Variants in ABCA8 observed in about 807,000 individuals in gnomAD.
ABCA8 encodes ABC-type organic anion transporter ABCA8.
ABCA8 carries 177 observed loss-of-function variants against 192.3 expected under a neutral mutation model. The observed-to-expected ratio is 0.92, with a 90% CI of 0.81 to 1.04. ABCA8 has a LOEUF of 1.04. Ranked by LOEUF, ABCA8 falls within the 50% of genes least tolerant of loss-of-function variation. The probability of loss-of-function intolerance (pLI) is 0.00; values close to 1 mark genes in which losing one functional copy is unlikely to be tolerated. For missense variants in ABCA8, 1,915 were observed against 1,904.8 expected (o/e 1.01, Z -0.10); for synonymous variants, 642 against 690.2 (o/e 0.93, Z 1.09).
intron 19 of ABCA8, 138 bp downstream of exon 19, chr17:68,905,906 G>A (rs916439732): frequency 1.3e-6 from 1 of 753,072 alleles, no homozygotes; most frequent in East Asian, 2.9e-5. Context: ...AATGTTGACA[G>A]GGATGCGTTT....
At chr17:68,924,515 A>G (rs896123222) in intron 11 of ABCA8, among the ~76,000 whole-genome samples, 186 bp downstream of exon 11, 1 of 152,116 alleles carries the variant, frequency 6.6e-6, no homozygotes, top group Admixed American at 6.5e-5. Flanking sequence ...AATGTCGACA[A>G]TGTTAGGCTG....
chr17:68,944,891 C>T (rs1278501547), intron 2 of ABCA8: 7 of 152,442 alleles, frequency 4.6e-5, no homozygotes, highest in Non-Finnish European at 7.3e-5. Context: ...GGTCCAGAAC[C>T]TCTCAACAGA....
Position 68,891,477 on chromosome 17 carries a change from A to T in ABCA8, c.3144+12T>A. On this transcript the variant is annotated intron_variant, in intron 24 of 39. Transcript: ENST00000586539. Reference sequence around the variant, plus strand: ...ATGCAAAATAATGGAAGTTGCAATTACTCATTATTACCTTATAATCATCGA... The same window carrying T: ...ATGCAAAATAATGGAAGTTGCAATTTCTCATTATTACCTTATAATCATCGA... 1.9e-6 allele frequency: 3 copies of T among 1,564,514 alleles called. No individual in the cohort carries two copies. Among genetic ancestry groups the T allele is most frequent in the Non-Finnish European group, 2.6e-6 (3 of 1,144,216 alleles).
At position 68,918,156 on chromosome 17, in the gene ABCA8, T is replaced by C. The variant is rs140309334; in HGVS notation, c.1938A>G (p.Gly646=). Residue 646 remains glycine (G), a synonymous_variant, in exon 16 of 40, where the codon GGA becomes GGG. Transcript: ENST00000586539. ...CTTGGTGTCTTGAAAAGGGATCCAA[T>C]CCAGCAGTTGGTTCATCCAACAGGA... The part of the protein sequence containing the change: ...QIFLLDEPTA[G]LDPFSRHQVW... 8 of 1,614,006 alleles carry C rather than the reference T, an allele frequency of 5.0e-6. No individual in the cohort carries two copies. In the African/African-American group the frequency reaches 1.1e-4, roughly 22 times the overall value.
intron 17 of ABCA8, among the ~76,000 whole-genome samples, chr17:68,908,501 T>G (rs949901467): frequency 6.6e-6 from 1 of 152,198 alleles, no homozygotes; most frequent in Non-Finnish European, 1.5e-5. Flanking sequence ...AGAAAACATG[T>G]AGACAACCAG....
intron 14 of ABCA8, 95 bp from the exon 15 acceptor site, chr17:68,918,641 C>A: frequency 1.6e-6 from 2 of 1,278,190 alleles, no homozygotes; most frequent in Non-Finnish European, 2.1e-6. Context: ...TGGTTAAAAG[C>A]ACAAACACTG....
At chr17:68,868,209 G>A (rs754716763) in intron 39 of ABCA8, 26 bp from the exon 40 acceptor site, 3 of 1,610,400 alleles carry the variant, frequency 1.9e-6, no homozygotes, top group East Asian at 2.2e-5. Flanking sequence ...GAAATAAAGA[G>A]AGGAGAACAA....
chr17:68,876,202 C>T (rs1408624347), intron 35 of ABCA8: 1 of 546,796 alleles, frequency 1.8e-6, no homozygotes, highest in East Asian at 3.2e-5. Context: ...CCTAAAAGAT[C>T]AGCTGAGCGC....
intron 21 of ABCA8, 99 bp downstream of exon 21, chr17:68,902,614 C>A: frequency 2.9e-6 from 3 of 1,037,290 alleles, no homozygotes; most frequent in Non-Finnish European, 4.0e-6. Context: ...TTAACACATG[C>A]TGAATAAGTG....
intron 2 of ABCA8, among the ~76,000 whole-genome samples, chr17:68,947,512 C>G (rs1451965194): frequency 1.3e-5 from 2 of 152,108 alleles, no homozygotes; most frequent in Non-Finnish European, 2.9e-5. Flanking sequence ...CAGTTTGTAA[C>G]ACATGGAAGA....
chr17:68,913,739 T>G (rs1567855255), intron 17 of ABCA8, among the ~76,000 whole-genome samples: 1 of 151,986 alleles, frequency 6.6e-6, no homozygotes, highest in Non-Finnish European at 1.5e-5. Flanking sequence ...AAAGCCATAA[T>G]AAAAAGTCTT....
chr17:68,903,528 T>C (rs1218680123), intron 19 of ABCA8, 29 bp from the exon 20 acceptor site: 2 of 1,603,250 alleles, frequency 1.2e-6, no homozygotes, highest in African/African-American at 2.7e-5. Flanking sequence ...GCAACTCATA[T>C]GTACTTTATT....
chr17:68,896,962 G>C (rs540837848), intron 21 of ABCA8, among the ~76,000 whole-genome samples: 2 of 152,200 alleles, frequency 1.3e-5, no homozygotes, highest in Non-Finnish European at 2.9e-5. Flanking sequence ...AGATGGAAAA[G>C]GCGATAAATT....
At chr17:68,917,233 C>A in intron 17 of ABCA8, 128 bp downstream of exon 17, 1 of 575,580 alleles carries the variant, frequency 1.7e-6, no homozygotes, top group Non-Finnish European at 3.0e-6. Flanking sequence ...ATGATCGATA[C>A]TCCGTCTCAA....
intron 37 of ABCA8, among the ~76,000 whole-genome samples, chr17:68,874,505 G>A (rs1231050086): frequency 6.6e-6 from 1 of 152,142 alleles, no homozygotes; most frequent in African/African-American, 2.4e-5. Context: ...ATATATTTAT[G>A]GTGCAGTCAT....
chr17:68,928,078 GTAAT>G lies in ABCA8; in HGVS notation c.1126-19_1126-16del, dbSNP rs1244720353. The G allele has an allele frequency of 3.2e-6, 5 of 1,560,480 alleles. No individual in the cohort carries two copies. The highest frequency in any genetic ancestry group is 4.3e-6 in the Non-Finnish European group (5 of 1,150,586). ...AAGTGTAAAAGCTGAAAATTAAAAA[GTAAT>G]TAATTAAGGGAAATTAGGTATAAGA... On this transcript the variant is annotated splice_polypyrimidine_tract_variant and intron_variant, in intron 9 of 39. Transcript: ENST00000586539.
chr17:68,890,884 A>G (rs73355694), intron 24 of ABCA8, among the ~76,000 whole-genome samples: 5,089 of 152,298 alleles, frequency 0.033, 274 homozygotes, highest in African/African-American at 0.11. Flanking sequence ...AGTTCAAGTT[A>G]TCTTTTTTAA....
chr17:68,937,855 A>G (rs1183581949), intron 4 of ABCA8, among the ~76,000 whole-genome samples: 5 of 134,454 alleles, frequency 3.7e-5, no homozygotes, highest in Non-Finnish European at 3.0e-5. Context: ...AACCATTATT[A>G]TTATTATTAT....
At chr17:68,948,670 A>C (rs2143812214) in intron 2 of ABCA8, among the ~76,000 whole-genome samples, 1 of 151,818 alleles carries the variant, frequency 6.6e-6, no homozygotes, top group African/African-American at 2.4e-5. Flanking sequence ...GATTGCAAAA[A>C]TTTTCTCCCA....
Sources: allele counts gnomAD v4.1 joint callset (sites outside exome capture counted in the v4.1 genomes callset), GRCh38; gene constraint gnomAD v4.1.1; transcripts MANE v1.5; gene names NCBI Gene and HGNC (gene_info 2026-07-23, HGNC 2026-07-21).